The following NIPSNAP2 variants were observed in gnomAD, a reference collection of about 807,000 sequenced individuals.
The protein encoded by NIPSNAP2 is nipsnap homolog 2.
A neutral mutation model predicts 48.4 loss-of-function variants in NIPSNAP2; 42 were observed. The observed-to-expected ratio is 0.87, with a 90% CI of 0.68 to 1.12. NIPSNAP2 has a LOEUF of 1.12. Ranked by LOEUF, NIPSNAP2 falls within the 50% of genes most tolerant of loss-of-function variation. NIPSNAP2 has a pLI of 0.00. For missense variants in NIPSNAP2, 314 were observed against 347.3 expected, an observed-to-expected ratio of 0.90 and a Z score of 0.76; for synonymous variants, 158 against 126.6, an observed-to-expected ratio of 1.25 and a Z score of -1.67.
At chr7:55,987,453 C>T (rs1787354533) in intron 7 of NIPSNAP2, among the ~76,000 whole-genome samples, 1 of 152,100 alleles carries the variant, frequency 6.6e-6, no homozygotes, top group Non-Finnish European at 1.5e-5. Context: ...CATGGCAAAA[C>T]CCCGTCTCTA....
At chr7:55,996,081 AG>A (rs1421903277) in intron 8 of NIPSNAP2, among the ~76,000 whole-genome samples, 2 of 152,186 alleles carry the variant, frequency 1.3e-5, no homozygotes, top group Non-Finnish European at 2.9e-5. Context: ...TGAGGTCAGG[AG>A]TTAAGAGACC....
chr7:55,989,518 C>T (rs917581371), intron 7 of NIPSNAP2, among the ~76,000 whole-genome samples: 17 of 152,166 alleles, frequency 1.1e-4, no homozygotes, highest in African/African-American at 3.9e-4. Context: ...CCCAGCTACT[C>T]TGGAGGCTGA....
chr7:55,992,172 G>A (rs957106560), intron 7 of NIPSNAP2, among the ~76,000 whole-genome samples: 2 of 152,002 alleles, frequency 1.3e-5, no homozygotes, highest in Non-Finnish European at 1.5e-5. Flanking sequence ...GAACCCAAGC[G>A]CTTGGGTAAG....
chr7:55,978,177 C>T lies in NIPSNAP2; in HGVS notation c.144C>T (p.Ser48=), dbSNP rs1282866002. Residue 48 remains serine, a synonymous_variant, in exon 2 of 10, where the codon TCC becomes TCT. Coordinates refer to ENST00000322090, the MANE Select transcript of NIPSNAP2 (RefSeq NM_001483.3). ...CTCGAGAAGACAGCTGGCTAAAATCCTTATTTGTCCGGAAAGTTGATCCAA... is the reference window on the plus strand; with the variant it reads ...CTCGAGAAGACAGCTGGCTAAAATCTTTATTTGTCCGGAAAGTTGATCCAA... ...NRSREDSWLK[S]LFVRKVDPRK... 6.2e-7 allele frequency: 1 copy of T among 1,614,118 alleles called. No homozygotes were observed. Among genetic ancestry groups the T allele is most frequent in the East Asian group, 2.2e-5 (1 of 44,878 alleles).
intron 3 of NIPSNAP2, 142 bp from the exon 4 acceptor site, chr7:55,981,331 A>G (rs990665837): frequency 1.3e-5 from 8 of 615,872 alleles, no homozygotes; most frequent in African/African-American, 9.1e-5. Flanking sequence ...GGTTAACTCC[A>G]CATGCCGTTT....
chr7:55,970,728 C>T (rs927969696), intron 1 of NIPSNAP2, among the ~76,000 whole-genome samples: 1 of 152,148 alleles, frequency 6.6e-6, no homozygotes, highest in African/African-American at 2.4e-5. Context: ...AACAGCTTGC[C>T]ATTCCAGACA....
At position 55,997,848 on chromosome 7, in the gene NIPSNAP2, A is replaced by G. The variant is rs546312736; in HGVS notation, c.796+399A>G. Reference sequence around the variant, plus strand: ...ACATCAATTAAAGAGTGATTTTGAAATTAGATAAATTAAACTTCCTGTATG... The same window carrying G: ...ACATCAATTAAAGAGTGATTTTGAAGTTAGATAAATTAAACTTCCTGTATG... On this transcript the variant is annotated intron_variant, in intron 9 of 9. Transcript: ENST00000322090. Among the ~76,000 whole-genome samples, 8 of 152,328 alleles carry G rather than the reference A, an allele frequency of 5.3e-5. No homozygotes were observed. The South Asian group carries it at 8.3e-4, about 16-fold the overall frequency.
At chr7:55,987,536 G>T (rs1230047787) in intron 7 of NIPSNAP2, among the ~76,000 whole-genome samples, 1 of 152,140 alleles carries the variant, frequency 6.6e-6, no homozygotes, top group Non-Finnish European at 1.5e-5. Context: ...GCTGAGGCAG[G>T]AGAATCACTT....
At position 55,974,988 on chromosome 7, in the gene NIPSNAP2, C is replaced by G. The variant is rs564559779; in HGVS notation, c.93-3138C>G. Among the ~76,000 whole-genome samples the G allele has an allele frequency of 2.6e-5, 4 of 152,060 alleles. No homozygotes were observed. In the East Asian group the frequency reaches 7.7e-4, roughly 29 times the overall value. The stretch of plus-strand genomic sequence containing the variant: ...AGCACTAAGATTCTGGACATTTATG[C>G]TGGCCCTTTGGAATCCCAGTACATT... On this transcript the variant is annotated intron_variant, in intron 1 of 9. Transcript: ENST00000322090.
intron 3 of NIPSNAP2, 64 bp from the exon 4 acceptor site, chr7:55,981,409 G>A (rs1787213423): frequency 3.6e-6 from 4 of 1,117,168 alleles, no homozygotes; most frequent in East Asian, 4.7e-5. Context: ...TACTGATCAG[G>A]TGCTGTCCAC....
rs111582084 is a variant in NIPSNAP2 at position 55,994,868 on chromosome 7, A to G, written c.618-26A>G. The G allele has an allele frequency of 1.1e-4, 176 of 1,600,444 alleles. No individual in the cohort carries two copies. The African/African-American group carries it at 2.1e-3, about 19-fold the overall frequency. On this transcript the variant is annotated intron_variant, in intron 7 of 9. Coordinates refer to ENST00000322090, the MANE Select transcript of NIPSNAP2 (RefSeq NM_001483.3). ...GTTAGCGTATCTAATTCAGTGTCTT[A>G]AACAAACATCATCTCATTCTTACAG...
chr7:55,971,243 ACT>A (rs369772169), intron 1 of NIPSNAP2, among the ~76,000 whole-genome samples: 50 of 152,236 alleles, frequency 3.3e-4, no homozygotes, highest in African/African-American at 1.2e-3. Flanking sequence ...GTCACCTGAC[ACT>A]CAAAGATTTC....
intron 7 of NIPSNAP2, among the ~76,000 whole-genome samples, chr7:55,987,713 C>CAA (rs530298100): frequency 4.7e-4 from 71 of 152,222 alleles, no homozygotes; most frequent in African/African-American, 1.7e-3. Context: ...AATAAGAGGA[C>CAA]AAATAGTGTA....
At chr7:55,964,743 C>T (rs1786854441) in intron 1 of NIPSNAP2, 42 bp downstream of exon 1, 1 of 1,001,782 alleles carries the variant, frequency 1.0e-6, no homozygotes, top group East Asian at 5.1e-5. Context: ...GGGGAGGGGC[C>T]GCCGCGAGGC....
At chr7:55,968,137 CTA>C (rs1392119013) in intron 1 of NIPSNAP2, among the ~76,000 whole-genome samples, 3 of 152,104 alleles carry the variant, frequency 2.0e-5, no homozygotes, top group African/African-American at 4.8e-5. Context: ...AGAAAGATCT[CTA>C]TGACACAAAC....
Position 55,978,358 on chromosome 7 carries a change from G to C in NIPSNAP2, c.241G>C (p.Val81Leu). The C allele has an allele frequency of 6.2e-7, 1 of 1,613,560 alleles. No homozygotes were observed. Among genetic ancestry groups the C allele is most frequent in the Non-Finnish European group, 8.5e-7 (1 of 1,179,838 alleles). The change falls in exon 3 of 10, where the codon GTT (valine) becomes CTT (leucine). Residue 81 changes from valine (V) to leucine (L), a missense_variant. Coordinates refer to ENST00000322090, the MANE Select transcript of NIPSNAP2 (RefSeq NM_001483.3). ...SNLYKLQFHN[V>L]KPECLEAYNK... ...ATTTTCTTTTGTTTCAGTTCACAAT[G>C]TTAAACCGGAATGCCTAGAAGCATA... is the stretch of plus-strand genomic sequence containing the variant.
At chr7:55,998,909 A>G (rs1169888333) in intron 9 of NIPSNAP2, 99 bp from the exon 10 acceptor site, 1 of 986,084 alleles carries the variant, frequency 1.0e-6, no homozygotes, top group Non-Finnish European at 1.6e-6. Flanking sequence ...GTTTTCAAGC[A>G]GCACATCTGT....
intron 1 of NIPSNAP2, among the ~76,000 whole-genome samples, chr7:55,974,718 G>C: frequency 6.6e-6 from 1 of 151,874 alleles, no homozygotes. Context: ...TGTGGCGGCG[G>C]GCGCCTGTAG....
chr7:55,964,944 C>G (rs1003350962), intron 1 of NIPSNAP2: 19 of 192,332 alleles, frequency 9.9e-5, no homozygotes, highest in Non-Finnish European at 1.1e-5. Context: ...CGGGAAGGCC[C>G]CCGAGGCTTG....
Sources: allele counts gnomAD v4.1 joint callset (sites outside exome capture counted in the v4.1 genomes callset), GRCh38; gene constraint gnomAD v4.1.1; transcripts MANE v1.5; gene names NCBI Gene and HGNC (gene_info 2026-07-23, HGNC 2026-07-21).